E2F6: variants seen among roughly 807,000 people sequenced by gnomAD.
The protein encoded by E2F6 is transcription factor E2F6.
In E2F6, 19 loss-of-function variants were observed where a neutral mutation model predicts 31.5. The ratio of observed to expected loss-of-function variants is 0.60; its 90% CI spans 0.42 to 0.89. The LOEUF (loss-of-function observed/expected upper bound fraction) is 0.89, where lower values mean the gene tolerates loss of function less well. Ranked by LOEUF, E2F6 falls within the 40% of genes least tolerant of loss-of-function variation. The pLI is 0.00. For synonymous variants in E2F6, 121 were observed against 127.7 expected, an observed-to-expected ratio of 0.95 and a Z score of 0.36; for missense variants, 269 against 341.6, an observed-to-expected ratio of 0.79 and a Z score of 1.67.
At chr2:11,448,207 G>T (rs1268367343) in intron 5 of E2F6, among the ~76,000 whole-genome samples, 1 of 152,096 alleles carries the variant, frequency 6.6e-6, no homozygotes, top group Non-Finnish European at 1.5e-5. Context: ...CAAGTAAAAT[G>T]TCAAAAAAAT....
At chr2:11,446,576 G>A in intron 6 of E2F6, 53 bp from the exon 7 acceptor site, 1 of 1,449,060 alleles carries the variant, frequency 6.9e-7, no homozygotes, top group Non-Finnish European at 9.6e-7. Context: ...CCTAAGTGAA[G>A]GTCTGATAGG....
chr2:11,458,257 G>C (rs936984308), intron 1 of E2F6: 2 of 1,551,348 alleles, frequency 1.3e-6, no homozygotes, highest in Non-Finnish European at 1.7e-6. Context: ...CAGTACTAGG[G>C]ATACACCCAG....
chr2:11,463,822 G>A (rs536944395), intron 1 of E2F6, among the ~76,000 whole-genome samples: 67 of 151,988 alleles, frequency 4.4e-4, no homozygotes, highest in Non-Finnish European at 7.9e-4. Flanking sequence ...GTGGTGGCAT[G>A]TGCCTGTGGT....
intron 5 of E2F6, among the ~76,000 whole-genome samples, chr2:11,448,985 A>G (rs1670894871): frequency 6.6e-6 from 1 of 152,224 alleles, no homozygotes; most frequent in Non-Finnish European, 1.5e-5. Flanking sequence ...GCCCATGTGC[A>G]GAGACTTTAA....
intron 5 of E2F6, 122 bp from the exon 6 acceptor site, chr2:11,447,896 G>T: frequency 1.8e-6 from 2 of 1,131,500 alleles, no homozygotes; most frequent in Non-Finnish European, 2.5e-6. Flanking sequence ...TCACATTACA[G>T]CACTGGCCAA....
chr2:11,450,214 G>T, intron 4 of E2F6, 88 bp from the exon 5 acceptor site: 1 of 745,464 alleles, frequency 1.3e-6, no homozygotes, highest in Non-Finnish European at 2.1e-6. Flanking sequence ...CAAGGGTAAT[G>T]TTAGAATGTT....
chr2:11,458,246 G>A (rs927015665), intron 1 of E2F6: 4 of 1,549,400 alleles, frequency 2.6e-6, no homozygotes, highest in Non-Finnish European at 3.5e-6. Flanking sequence ...AGAATCAACA[G>A]CAGTACTAGG....
At chr2:11,465,192 A>G (rs1399117876) in intron 1 of E2F6, among the ~76,000 whole-genome samples, 4 of 144,986 alleles carry the variant, frequency 2.8e-5, no homozygotes, top group African/African-American at 5.3e-5. Flanking sequence ...AAAAAAAAAA[A>G]AAAAGAAAAA....
intron 1 of E2F6, among the ~76,000 whole-genome samples, chr2:11,465,193 A>G (rs1250792482): frequency 2.0e-5 from 3 of 149,988 alleles, no homozygotes; most frequent in Non-Finnish European, 4.5e-5. Flanking sequence ...AAAAAAAAAA[A>G]AAAGAAAAAA....
chr2:11,464,612 T>TG (rs1302090251), intron 1 of E2F6, among the ~76,000 whole-genome samples: 25 of 147,740 alleles, frequency 1.7e-4, no homozygotes, highest in Admixed American at 1.6e-3. Context: ...TCTTTTAAGA[T>TG]GGGGATGGAT....
At chr2:11,449,555 C>T (rs543207346) in intron 5 of E2F6, among the ~76,000 whole-genome samples, 15 of 152,340 alleles carry the variant, frequency 9.8e-5, no homozygotes, top group Middle Eastern at 3.4e-3. Flanking sequence ...TGTTCATTTA[C>T]ACAGAAATCC....
chr2:11,448,074 T>TA (rs796709107), intron 5 of E2F6, among the ~76,000 whole-genome samples: 28 of 152,270 alleles, frequency 1.8e-4, no homozygotes, highest in African/African-American at 6.5e-4. Context: ...AACTCCAGAA[T>TA]ACCCTAGAGT....
intron 2 of E2F6, 31 bp downstream of exon 2, chr2:11,457,148 A>G (rs763049523): frequency 1.3e-6 from 2 of 1,493,212 alleles, no homozygotes. Flanking sequence ...CAAACTAACA[A>G]AACCTAAAAC....
At chr2:11,455,524 G>T in intron 2 of E2F6, 8 of 1,172,240 alleles carry the variant, frequency 6.8e-6, no homozygotes, top group Non-Finnish European at 9.1e-6. Context: ...TTTTTAATCG[G>T]AAGTAGAGGG....
At position 11,455,301 on chromosome 2, in the gene E2F6, C is replaced by G; in HGVS notation, c.164-1503G>C. The G allele has an allele frequency of 4.6e-6, 5 of 1,082,580 alleles. No homozygotes were observed. In the South Asian group the frequency reaches 1.2e-4, roughly 25 times the overall value. The allele number at this position is 1,082,580 out of a possible 1,614,324, so 67.1% of individuals were successfully genotyped here. On this transcript the variant is annotated intron_variant, in intron 2 of 6. Transcript: ENST00000381525. ...ACTTTCTTTTTCTCTACTTCCACAG[C>G]ACACCACAGTCAGTATGCCTCAAAG...
At chr2:11,447,158 C>G (rs1268278045) in intron 6 of E2F6, among the ~76,000 whole-genome samples, 1 of 152,190 alleles carries the variant, frequency 6.6e-6, no homozygotes, top group African/African-American at 2.4e-5. Flanking sequence ...CTGCTCTGGC[C>G]AGATGGGTCC....
At position 11,450,068 on chromosome 2, in the gene E2F6, C is replaced by T. The variant is rs748327105; in HGVS notation, c.595G>A (p.Val199Ile). Residue 199 changes from valine to isoleucine, a missense_variant, in exon 5 of 7, where the codon GTC (valine) becomes ATC (isoleucine). Transcript: ENST00000381525. ...HSIQAFHEQIVIAVKAPAETR... is the reference protein window; with the variant it reads ...HSIQAFHEQIIIAVKAPAETR... ...TCTGCTGGAGCTTTAACTGCAATGACGATCTGTTCATGGAAGGCCTGAATG... is the reference window on the plus strand; with the variant it reads ...TCTGCTGGAGCTTTAACTGCAATGATGATCTGTTCATGGAAGGCCTGAATG... 5.6e-6 allele frequency: 9 copies of T among 1,613,582 alleles called. No homozygotes were observed. The highest frequency in any genetic ancestry group is 1.7e-5 in the Admixed American group (1 of 59,958).
intron 5 of E2F6, among the ~76,000 whole-genome samples, chr2:11,449,514 G>A (rs1238822129): frequency 1.3e-5 from 2 of 152,182 alleles, no homozygotes; most frequent in Non-Finnish European, 2.9e-5. Flanking sequence ...GGGAAAGAAC[G>A]CACTGAGCAG....
intron 6 of E2F6, 142 bp downstream of exon 6, chr2:11,447,485 A>G (rs1241424598): frequency 3.3e-6 from 3 of 901,942 alleles, no homozygotes; most frequent in Non-Finnish European, 5.1e-6. Context: ...GAAATATTCT[A>G]AACTACAGTA....
Sources: gnomAD v4.1 joint callset for allele counts (sites outside exome capture counted in the v4.1 genomes callset) on GRCh38, gnomAD v4.1.1 for gene constraint, MANE v1.5 for transcripts, NCBI Gene and HGNC (gene_info 2026-07-23, HGNC 2026-07-21) for gene names.